MALRD1: variants seen among roughly 807,000 people sequenced by gnomAD.
The protein encoded by MALRD1 is MAM and LDL receptor class A domain containing 1.
Under a neutral mutation model 242.1 loss-of-function variants are expected in MALRD1, and 247 were observed. The ratio of observed to expected loss-of-function variants is 1.02; its 90% CI spans 0.92 to 1.13. MALRD1 has a LOEUF of 1.13. Among genes scored for constraint, MALRD1 ranks in the 50% most tolerant of loss-of-function variants. The pLI is 0.00. For synonymous variants in MALRD1, 995 were observed against 866.6 expected (o/e 1.15, Z -2.60); for missense variants, 2,989 against 2,533.1 (o/e 1.18, Z -3.86).
At chr10:19,076,733 T>C (rs539895510) in intron 2 of MALRD1, among the ~76,000 whole-genome samples, 52 of 152,040 alleles carry the variant, frequency 3.4e-4, no homozygotes, top group Admixed American at 1.6e-3. Context: ...GAGTAAGTCT[T>C]ATAATTTTGT....
intron 10 of MALRD1, among the ~76,000 whole-genome samples, chr10:19,144,623 A>G (rs908025646): frequency 1.3e-5 from 2 of 152,226 alleles, no homozygotes; most frequent in Non-Finnish European, 2.9e-5. Flanking sequence ...GTTGAACACA[A>G]TGGTCAGAAG....
At chr10:19,690,253 TA>T (rs1264822241) in intron 36 of MALRD1, among the ~76,000 whole-genome samples, 1 of 152,124 alleles carries the variant, frequency 6.6e-6, no homozygotes, top group Non-Finnish European at 1.5e-5. Flanking sequence ...TACAGTAGTT[TA>T]TTTCCTATTA....
intron 26 of MALRD1, among the ~76,000 whole-genome samples, chr10:19,383,255 C>T (rs1461059887): frequency 1.3e-5 from 2 of 152,108 alleles, no homozygotes; most frequent in Admixed American, 1.3e-4. Flanking sequence ...TCTTAGTGTC[C>T]GTATGTCCTC....
chr10:19,260,355 C>G (rs770292327), intron 19 of MALRD1, among the ~76,000 whole-genome samples: 1 of 152,154 alleles, frequency 6.6e-6, no homozygotes, highest in Non-Finnish European at 1.5e-5. Context: ...CTATGTGTCT[C>G]TGTTTCACGT....
intron 32 of MALRD1, among the ~76,000 whole-genome samples, chr10:19,532,730 G>A (rs1834479363): frequency 1.1e-5 from 1 of 90,968 alleles, no homozygotes; most frequent in Admixed American, 1.3e-4. Flanking sequence ...AGAAAGTTGA[G>A]AATTTATCCT....
chr10:19,513,132 G>A (rs1170312054), intron 31 of MALRD1, among the ~76,000 whole-genome samples: 1 of 152,052 alleles, frequency 6.6e-6, no homozygotes, highest in Non-Finnish European at 1.5e-5. Flanking sequence ...ATGTTAAAAG[G>A]TAATCCCCAG....
At chr10:19,225,769 G>T (rs1007650567) in intron 18 of MALRD1, among the ~76,000 whole-genome samples, 2 of 152,102 alleles carry the variant, frequency 1.3e-5, no homozygotes, top group African/African-American at 2.4e-5. Context: ...CTTAGGAAAA[G>T]ACTTTACTTT....
chr10:19,076,557 C>T (rs1197992242), intron 2 of MALRD1, among the ~76,000 whole-genome samples: 1 of 151,882 alleles, frequency 6.6e-6, no homozygotes, highest in African/African-American at 2.4e-5. Flanking sequence ...CTACACTTTC[C>T]TCACTGAATT....
intron 36 of MALRD1, among the ~76,000 whole-genome samples, chr10:19,662,591 A>G (rs979378257): frequency 6.6e-6 from 1 of 152,198 alleles, no homozygotes; most frequent in African/African-American, 2.4e-5. Flanking sequence ...AGACCAAGGT[A>G]TTAAGAGTTT....
intron 38 of MALRD1, among the ~76,000 whole-genome samples, chr10:19,704,821 C>T (rs781485366): frequency 6.6e-6 from 1 of 152,032 alleles, no homozygotes; most frequent in Non-Finnish European, 1.5e-5. Context: ...AAAGAATGAT[C>T]AAGAGAATGA....
intron 14 of MALRD1, among the ~76,000 whole-genome samples, chr10:19,176,201 C>T (rs1835223580): frequency 1.3e-5 from 2 of 151,846 alleles, no homozygotes; most frequent in African/African-American, 4.8e-5. Flanking sequence ...TATACTTAAA[C>T]AACATATTTA....
At chr10:19,274,830 G>A (rs1262755893) in intron 19 of MALRD1, among the ~76,000 whole-genome samples, 1 of 151,714 alleles carries the variant, frequency 6.6e-6, no homozygotes, top group East Asian at 1.9e-4. Context: ...GGGGAGGCAG[G>A]AAGGAAGGGG....
At chr10:19,055,009 C>G (rs982728894) in intron 1 of MALRD1, among the ~76,000 whole-genome samples, 1 of 152,132 alleles carries the variant, frequency 6.6e-6, no homozygotes, top group African/African-American at 2.4e-5. Context: ...AATTTACATT[C>G]ACACCAACAA....
chr10:19,694,758 A>G (rs1487789212), intron 38 of MALRD1, among the ~76,000 whole-genome samples: 3 of 152,222 alleles, frequency 2.0e-5, no homozygotes, highest in African/African-American at 7.2e-5. Context: ...TGCTGCTATA[A>G]AGACACATGC....
intron 33 of MALRD1, among the ~76,000 whole-genome samples, chr10:19,580,587 A>G (rs1398767889): frequency 2.6e-5 from 4 of 152,168 alleles, no homozygotes; most frequent in African/African-American, 9.7e-5. Flanking sequence ...ATGCACACAT[A>G]TTTATACAAA....
chr10:19,623,496 C>T (rs968187189), intron 36 of MALRD1, among the ~76,000 whole-genome samples: 4 of 152,082 alleles, frequency 2.6e-5, no homozygotes, highest in African/African-American at 9.7e-5. Context: ...CACAACATGC[C>T]ATCTGCAAAT....
chr10:19,103,883 T>A, intron 4 of MALRD1, 96 bp from the exon 5 acceptor site: 5 of 637,140 alleles, frequency 7.8e-6, no homozygotes, highest in Non-Finnish European at 1.1e-5. Flanking sequence ...GAGAGTGACA[T>A]GCTTCCTATT....
At chr10:19,369,643 A>T (rs1030938998) in intron 26 of MALRD1, among the ~76,000 whole-genome samples, 2 of 280 alleles carry the variant, frequency 7.1e-3, no homozygotes, top group Admixed American at 7.4e-3. Flanking sequence ...AGATATATTT[A>T]AAAAAAATAC....
chr10:19,404,124 C>T (rs1004295662), intron 28 of MALRD1, among the ~76,000 whole-genome samples: 2 of 151,944 alleles, frequency 1.3e-5, no homozygotes, highest in Non-Finnish European at 2.9e-5. Flanking sequence ...TCCATTTGAA[C>T]ACAAAATACA....
Sources: gnomAD v4.1 joint callset for allele counts (sites outside exome capture counted in the v4.1 genomes callset) on GRCh38, gnomAD v4.1.1 for gene constraint, MANE v1.5 for transcripts, NCBI Gene and HGNC (gene_info 2026-07-23, HGNC 2026-07-21) for gene names.